SYT17: variants seen among roughly 807,000 people sequenced by gnomAD.
SYT17 encodes synaptotagmin 17.
Under a neutral mutation model 46.7 loss-of-function variants are expected in SYT17, and 22 were observed. The observed-to-expected ratio is 0.47, with a 90% CI of 0.34 to 0.67. SYT17 has a LOEUF of 0.67. Among genes scored for constraint, SYT17 ranks in the 30% least tolerant of loss-of-function variants. SYT17 has a pLI of 0.01. For missense variants in SYT17, 519 were observed against 612.8 expected, an observed-to-expected ratio of 0.85 and a Z score of 1.62; for synonymous variants, 251 against 248.4, an observed-to-expected ratio of 1.01 and a Z score of -0.10.
chr16:19,265,789 G>A (rs1305435041), intron 7 of SYT17, among the ~76,000 whole-genome samples: 1 of 152,230 alleles, frequency 6.6e-6, no homozygotes, highest in Non-Finnish European at 1.5e-5. Context: ...GATAAATCAA[G>A]TTAACCGTCT....
intron 5 of SYT17, among the ~76,000 whole-genome samples, chr16:19,202,028 C>T (rs981826658): frequency 1.3e-5 from 2 of 152,162 alleles, no homozygotes; most frequent in Admixed American, 6.5e-5. Context: ...ACACTTCTGA[C>T]ACCAAGTTTG....
At chr16:19,263,926 C>T (rs1216614455) in intron 7 of SYT17, among the ~76,000 whole-genome samples, 11 of 152,142 alleles carry the variant, frequency 7.2e-5, no homozygotes. Flanking sequence ...CCCCACCCTG[C>T]CAAATTTGTA....
At chr16:19,196,234 G>A (rs1244021938) in intron 5 of SYT17, among the ~76,000 whole-genome samples, 1 of 139,744 alleles carries the variant, frequency 7.2e-6, no homozygotes, top group Admixed American at 7.6e-5. Context: ...GCAGACAGTC[G>A]ATAGAAGAAT....
chr16:19,229,306 T>C (rs535008235), intron 7 of SYT17, among the ~76,000 whole-genome samples: 2 of 152,254 alleles, frequency 1.3e-5, no homozygotes, highest in East Asian at 3.9e-4. Context: ...ACAGGAAGCA[T>C]GAGGCTGGCA....
At chr16:19,246,274 G>A (rs530355056) in intron 7 of SYT17, among the ~76,000 whole-genome samples, 7 of 152,146 alleles carry the variant, frequency 4.6e-5, no homozygotes, top group South Asian at 2.1e-4. Flanking sequence ...TTGCAGGTGT[G>A]AGCCGCCATA....
intron 6 of SYT17, 86 bp downstream of exon 6, chr16:19,223,251 TG>T: frequency 6.6e-7 from 1 of 1,519,170 alleles, no homozygotes; most frequent in Admixed American, 1.8e-5. Context: ...TTCCGTATCC[TG>T]GATGAGCATT....
At chr16:19,190,768 CTGTGTG>C (rs56947560) in intron 5 of SYT17, among the ~76,000 whole-genome samples, 31,940 of 144,628 alleles carry the variant, frequency 0.22, 3,550 homozygotes, top group Middle Eastern at 0.27. Flanking sequence ...AATAATATTC[CTGTGTG>C]TGTGTGTGTG....
chr16:19,231,138 T>C (rs1966665806), intron 7 of SYT17, among the ~76,000 whole-genome samples: 1 of 152,324 alleles, frequency 6.6e-6, no homozygotes, highest in South Asian at 2.1e-4. Flanking sequence ...AGAAAGGCCA[T>C]CTGTCTTCTT....
At chr16:19,192,576 G>A (rs1965068544) in intron 5 of SYT17, among the ~76,000 whole-genome samples, 1 of 152,186 alleles carries the variant, frequency 6.6e-6, no homozygotes. Flanking sequence ...AAGGGAGAGA[G>A]AGAACATTCA....
intron 7 of SYT17, among the ~76,000 whole-genome samples, chr16:19,259,638 T>C (rs568363971): frequency 6.6e-6 from 1 of 152,288 alleles, no homozygotes; most frequent in South Asian, 2.1e-4. Flanking sequence ...GCCCTCTTCA[T>C]GGATTTTGTA....
intron 7 of SYT17, among the ~76,000 whole-genome samples, chr16:19,256,492 T>A (rs907505169): frequency 7.1e-6 from 1 of 139,996 alleles, no homozygotes; most frequent in Non-Finnish European, 1.5e-5. Context: ...GTACCATACA[T>A]CTCTATTACC....
At chr16:19,248,077 C>T (rs1376032662) in intron 7 of SYT17, among the ~76,000 whole-genome samples, 3 of 152,176 alleles carry the variant, frequency 2.0e-5, no homozygotes, top group Admixed American at 6.5e-5. Context: ...AAAGGCACAC[C>T]GCACAAAAAG....
chr16:19,200,334 A>C (rs2142731482), intron 5 of SYT17, among the ~76,000 whole-genome samples: 1 of 152,384 alleles, frequency 6.6e-6, no homozygotes, highest in South Asian at 2.1e-4. Flanking sequence ...GGTGAAATTT[A>C]CTGTAATATT....
chr16:19,195,160 C>T (rs1965183934), intron 5 of SYT17, among the ~76,000 whole-genome samples: 2 of 152,130 alleles, frequency 1.3e-5, no homozygotes, highest in African/African-American at 4.8e-5. Context: ...ACATAGCACT[C>T]ACTGTGCACT....
At chr16:19,243,819 C>CAAA (rs760219447) in intron 7 of SYT17, among the ~76,000 whole-genome samples, 7 of 56,928 alleles carry the variant, frequency 1.2e-4, no homozygotes, top group Admixed American at 2.3e-4. Context: ...AAAACTCCAT[C>CAAA]AAAAAAAAAA....
chr16:19,254,579 G>A (rs1968428766), intron 7 of SYT17, among the ~76,000 whole-genome samples: 1 of 152,166 alleles, frequency 6.6e-6, no homozygotes, highest in Admixed American at 6.5e-5. Flanking sequence ...GGTGCTCATG[G>A]TGAACCTGGA....
intron 7 of SYT17, among the ~76,000 whole-genome samples, chr16:19,245,949 G>A (rs1255106504): frequency 6.6e-6 from 1 of 151,964 alleles, no homozygotes; most frequent in Non-Finnish European, 1.5e-5. Flanking sequence ...GCATATATAT[G>A]CATATGCATG....
intron 7 of SYT17, among the ~76,000 whole-genome samples, chr16:19,241,274 G>A (rs917583665): frequency 1.4e-5 from 2 of 146,822 alleles, no homozygotes; most frequent in Admixed American, 6.7e-5. Context: ...ACTTTGCTCC[G>A]AGTTAGGAGT....
intron 7 of SYT17, among the ~76,000 whole-genome samples, chr16:19,229,066 C>T (rs1242281127): frequency 6.6e-6 from 1 of 152,200 alleles, no homozygotes; most frequent in African/African-American, 2.4e-5. Flanking sequence ...TGCTTTTCAC[C>T]GCCCAAGATA....
Sources: allele counts gnomAD v4.1 joint callset (sites outside exome capture counted in the v4.1 genomes callset), GRCh38; gene constraint gnomAD v4.1.1; transcripts MANE v1.5; gene names NCBI Gene and HGNC (gene_info 2026-07-23, HGNC 2026-07-21).